Variants in SUPT16H observed in about 807,000 individuals in gnomAD.
SUPT16H encodes FACT complex subunit SPT16.
In SUPT16H, 24 loss-of-function variants were observed where a neutral mutation model predicts 136.2. The observed-to-expected ratio is 0.18, with a 90% CI of 0.13 to 0.25. The LOEUF (loss-of-function observed/expected upper bound fraction) is 0.25, where lower values mean the gene tolerates loss of function less well. SUPT16H is among the 10% of genes least tolerant of loss of function. The pLI is 1.00. For missense variants in SUPT16H, 623 were observed against 1,270.2 expected, an observed-to-expected ratio of 0.49 and a Z score of 7.74; for synonymous variants, 415 against 428.2, an observed-to-expected ratio of 0.97 and a Z score of 0.38.
At chr14:21,361,246 C>T (rs200042620) in intron 15 of SUPT16H, 33 bp from the exon 16 acceptor site, 35,688 of 1,607,486 alleles carry the variant, frequency 0.022, 445 homozygotes, top group Non-Finnish European at 0.027. Flanking sequence ...ATAGACATTT[C>T]TTTTTCAGGC....
intron 5 of SUPT16H, 132 bp downstream of exon 5, chr14:21,369,618 T>C (rs935062036): frequency 8.3e-7 from 1 of 1,201,020 alleles, no homozygotes. Flanking sequence ...GAAAGGGAGA[T>C]GATGTAATTA....
At chr14:21,377,235 T>C (rs1044207616) in intron 1 of SUPT16H, among the ~76,000 whole-genome samples, 6 of 152,242 alleles carry the variant, frequency 3.9e-5, no homozygotes, top group African/African-American at 1.2e-4. Context: ...GAATATGAGC[T>C]TGAGACTAAA....
rs746481842 is a variant in SUPT16H at position 21,382,884 on chromosome 14, G to A, written c.66+978C>T. On this transcript the variant is annotated intron_variant, in intron 1 of 25. Transcript: ENST00000216297. Reference sequence around the variant, plus strand: ...GCTTTAATATGAATGGCAAGGAAACGACCAATTTTAATGGCTTGGTTTTAG... The same window carrying A: ...GCTTTAATATGAATGGCAAGGAAACAACCAATTTTAATGGCTTGGTTTTAG... 4 of 152,100 alleles carry A rather than the reference G, an allele frequency of 2.6e-5. No individual in the cohort carries two copies. In the East Asian group the frequency reaches 7.7e-4, roughly 29 times the overall value. 9.4% of individuals were successfully genotyped at this position (152,100 alleles called of 1,614,324 possible).
At position 21,371,998 on chromosome 14, in the gene SUPT16H, C is replaced by T. The variant is rs1052417413; in HGVS notation, c.206G>A (p.Cys69Tyr). 6.2e-7 allele frequency: 1 copy of T among 1,613,958 alleles called. No homozygotes were observed. Among genetic ancestry groups the T allele is most frequent in the African/African-American group, 1.3e-5 (1 of 74,998 alleles). Residue 69 changes from cysteine to tyrosine, a missense_variant, in exon 3 of 26, where the codon TGT (cysteine) becomes TAT (tyrosine). Cys to Tyr is a radical substitution (Grantham distance 194, BLOSUM62 -2). This residue lies in a region of SUPT16H where 343 missense variants were observed against 525.7 expected (regional missense o/e 0.65). Coordinates refer to ENST00000216297, the MANE Select transcript of SUPT16H (RefSeq NM_007192.4). ...GGCCATAAAGATGATTTTGTCATCACAAAAGACCATGATAGTATCAGTTAG... is the reference window on the plus strand; with the variant it reads ...GGCCATAAAGATGATTTTGTCATCATAAAAGACCATGATAGTATCAGTTAG... ...YELTDTIMVFCDDKIIFMASK... is the reference protein window; with the variant it reads ...YELTDTIMVFYDDKIIFMASK...
At chr14:21,372,174 G>A (rs1886798910) in intron 2 of SUPT16H, 130 bp from the exon 3 acceptor site, 1 of 1,036,032 alleles carries the variant, frequency 9.7e-7, no homozygotes, top group Non-Finnish European at 1.3e-6. Context: ...TCAGGCTGGG[G>A]AGTCTGGAGT....
Position 21,361,172 on chromosome 14 carries a change from G to C in SUPT16H, c.1835C>G (p.Thr612Arg). 1 of 1,614,100 alleles carries C rather than the reference G, an allele frequency of 6.2e-7. No homozygotes were observed. Among genetic ancestry groups the C allele is most frequent in the Non-Finnish European group, 8.5e-7 (1 of 1,180,006 alleles). Reference sequence around the variant, plus strand: ...ATTCTGAAGGTTCAAGGCTGGTACTGTCTGTTCTCCGGGTGCCTTAATATT... The same window carrying C: ...ATTCTGAAGGTTCAAGGCTGGTACTCTCTGTTCTCCGGGTGCCTTAATATT... ...ASNIKAPGEQ[T>R]VPALNLQNAF... The change falls in exon 16 of 26, where the codon ACA becomes AGA. Residue 612 changes from threonine to arginine, a missense_variant. Around this residue, in one of 7 missense-constraint regions of SUPT16H, gnomAD observed 62 missense variants for 200.5 expected, o/e 0.31. Coordinates refer to ENST00000216297, the MANE Select transcript of SUPT16H (RefSeq NM_007192.4).
chr14:21,360,886 G>C lies in SUPT16H; in HGVS notation c.2016C>G (p.Ala672=), dbSNP rs764087276. Residue 672 remains alanine (A), a synonymous_variant, in exon 17 of 26, where the codon GCC becomes GCG. Transcript: ENST00000216297. ...CCAGTGAGCCTTGCATCCTCTTTTG[G>C]GCAATATTTGGGCGAATGTATAGAT... ...LKDLYIRPNI[A]QKRMQGSLEA... The C allele has an allele frequency of 2.5e-6, 4 of 1,613,966 alleles. No individual in the cohort carries two copies. Among genetic ancestry groups the C allele is most frequent in the Non-Finnish European group, 3.4e-6 (4 of 1,180,012 alleles).
At chr14:21,371,539 TG>T (rs1886785675) in intron 3 of SUPT16H, among the ~76,000 whole-genome samples, 2 of 152,230 alleles carry the variant, frequency 1.3e-5, no homozygotes, top group African/African-American at 4.8e-5. Flanking sequence ...TGATAAAAAC[TG>T]GAAATGATGT....
At chr14:21,379,909 C>A (rs74854008) in intron 1 of SUPT16H, among the ~76,000 whole-genome samples, 1,641 of 116,440 alleles carry the variant, frequency 0.014, 33 homozygotes, top group African/African-American at 0.046. Context: ...AACAAACAAA[C>A]AAAAAAACCT....
chr14:21,380,417 C>T (rs963457567), intron 1 of SUPT16H, among the ~76,000 whole-genome samples: 8 of 150,176 alleles, frequency 5.3e-5, no homozygotes, highest in East Asian at 2.0e-4. Flanking sequence ...ATTATACAGG[C>T]ATAAGCTACT....
Position 21,359,656 on chromosome 14 carries a change from T to C in SUPT16H, c.2176-47A>G, listed in dbSNP as rs111265235. ...AACACAGAAGTCAGAAACACAAAGG[T>C]ATCTGTGATGGAAATGGCAGTGATC... On this transcript the variant is annotated intron_variant, in intron 18 of 25. Coordinates refer to ENST00000216297, the MANE Select transcript of SUPT16H (RefSeq NM_007192.4). The C allele has an allele frequency of 3.9e-4, 629 of 1,594,012 alleles. No individual in the cohort carries two copies. The African/African-American group carries it at 7.9e-3, about 20-fold the overall frequency.
chr14:21,352,766 G>A lies in SUPT16H; in HGVS notation c.3051C>T (p.Ser1017=). The part of the protein sequence containing the change: ...EEEEEQSRSM[S]RKRKASVHSS... Reference sequence around the variant, plus strand: ...TGTGCACAGATGCCTTCCTCTTCCGGCTCATACTTCGACTTTGTTCTTCTT... The same window carrying A: ...TGTGCACAGATGCCTTCCTCTTCCGACTCATACTTCGACTTTGTTCTTCTT... The change falls in exon 26 of 26, where the codon AGC becomes AGT. Residue 1017 remains serine (S), a synonymous_variant. Transcript: ENST00000216297. 6.2e-7 allele frequency: 1 copy of A among 1,613,948 alleles called. No individual in the cohort carries two copies. The highest frequency in any genetic ancestry group is 8.5e-7 in the Non-Finnish European group (1 of 1,180,002).
In SUPT16H at chr14:21,371,759, A is replaced by T. The variant is rs115724597; in HGVS notation, c.330+115T>A. 2,670 of 1,276,882 alleles carry T rather than the reference A, an allele frequency of 2.1e-3. 41 individuals are homozygous for T. The African/African-American group carries it at 0.035, about 17-fold the overall frequency. The allele number at this position is 1,276,882 out of a possible 1,614,324, so 79.1% of individuals were successfully genotyped here. A position where few individuals can be genotyped will look rare whatever the true frequency, so the allele number is the denominator to read the frequency against. ...GACGTGACAGAACTTTGTAATTACAACCACAGCCACCTATAATTTCCCCTG... is the reference window on the plus strand; with the variant it reads ...GACGTGACAGAACTTTGTAATTACATCCACAGCCACCTATAATTTCCCCTG... On this transcript the variant is annotated intron_variant, in intron 3 of 25. Transcript: ENST00000216297.
chr14:21,372,722 A>G (rs1375187258), intron 2 of SUPT16H: 1 of 437,508 alleles, frequency 2.3e-6, no homozygotes, highest in East Asian at 7.0e-5. Context: ...TGAAGACTAT[A>G]CATAAGGAAA....
chr14:21,360,392 G>T, intron 18 of SUPT16H, 23 bp downstream of exon 18: 1 of 1,532,152 alleles, frequency 6.5e-7, no homozygotes, highest in Non-Finnish European at 9.0e-7. Flanking sequence ...AGAGCTGACA[G>T]CTAGTTAAGT....
intron 15 of SUPT16H, among the ~76,000 whole-genome samples, chr14:21,361,793 T>C (rs776956962): frequency 6.6e-6 from 1 of 152,024 alleles, no homozygotes; most frequent in Non-Finnish European, 1.5e-5. Context: ...TGAGACAAGG[T>C]CTCGTTCTGT....
At chr14:21,383,160 G>GA (rs563274859) in intron 1 of SUPT16H, 3 of 157,040 alleles carry the variant, frequency 1.9e-5, no homozygotes, top group Admixed American at 6.5e-5. Flanking sequence ...CAAAACTGCC[G>GA]AATCTTTAAA....
intron 9 of SUPT16H, 26 bp downstream of exon 9, chr14:21,365,044 A>G (rs1886636902): frequency 1.2e-6 from 2 of 1,611,908 alleles, no homozygotes; most frequent in African/African-American, 2.7e-5. Flanking sequence ...TCACAAAAGC[A>G]TTTTCCTATT....
chr14:21,354,427 A>G lies in SUPT16H; in HGVS notation c.2774T>C (p.Leu925Pro). The change falls in exon 23 of 26, where the codon CTG becomes CCG. Residue 925 changes from leucine to proline, a missense_variant. Around this residue, in one of 7 missense-constraint regions of SUPT16H, gnomAD observed 74 missense variants for 193.8 expected, o/e 0.38. Transcript: ENST00000216297. ...GFFEQGGWSF[L>P]EPEGEGSDAE... ...CTCACGCACCTCACCCTCAGGCTCC[A>G]GGAAAGACCAGCCACCTTGTTCGAA... is the stretch of plus-strand genomic sequence containing the variant. The G allele has an allele frequency of 6.2e-7, 1 of 1,614,066 alleles. No individual in the cohort carries two copies. Among genetic ancestry groups the G allele is most frequent in the Non-Finnish European group, 8.5e-7 (1 of 1,179,958 alleles).
Sources: allele counts gnomAD v4.1 joint callset (sites outside exome capture counted in the v4.1 genomes callset), GRCh38; gene constraint gnomAD v4.1.1; regional missense constraint gnomAD v4.1.1; transcripts MANE v1.5; gene names NCBI Gene and HGNC (gene_info 2026-07-23, HGNC 2026-07-21).